FHIT: variants seen among roughly 807,000 people sequenced by gnomAD.
The protein encoded by FHIT is fragile histidine triad diadenosine triphosphatase, also known as bis(5'-adenosyl)-triphosphatase.
Under a neutral mutation model 17.9 loss-of-function variants are expected in FHIT, and 19 were observed. The observed-to-expected ratio is 1.06, with a 90% confidence interval of 0.74 to 1.56. The LOEUF (loss-of-function observed/expected upper bound fraction) is 1.56, where lower values mean the gene tolerates loss of function less well. FHIT is among the 40% of genes most tolerant of loss of function. The pLI is 0.00. For synonymous variants in FHIT, 81 were observed against 69.7 expected, an observed-to-expected ratio of 1.16 and a Z score of -0.81; for missense variants, 248 against 189.2, an observed-to-expected ratio of 1.31 and a Z score of -1.82.
intron 3 of FHIT, among the ~76,000 whole-genome samples, chr3:61,031,563 A>T (rs1415856243): frequency 6.6e-6 from 1 of 152,184 alleles, no homozygotes; most frequent in East Asian, 1.9e-4. Context: ...CTAACATCCC[A>T]GTTAAATGTC....
intron 3 of FHIT, among the ~76,000 whole-genome samples, chr3:60,824,382 T>G (rs748775775): frequency 1.3e-5 from 2 of 152,200 alleles, no homozygotes; most frequent in Non-Finnish European, 2.9e-5. Flanking sequence ...TTAACTGTAC[T>G]GATCATCTGA....
intron 2 of FHIT, among the ~76,000 whole-genome samples, chr3:61,177,076 C>G (rs1403716469): frequency 6.6e-6 from 1 of 151,694 alleles, no homozygotes; most frequent in Non-Finnish European, 1.5e-5. Context: ...ACTTGGGAGG[C>G]TGAGGCAGGA....
intron 3 of FHIT, among the ~76,000 whole-genome samples, chr3:60,952,707 C>T (rs987678262): frequency 3.3e-5 from 5 of 152,270 alleles, no homozygotes; most frequent in South Asian, 4.1e-4. Flanking sequence ...ATATAGAAGA[C>T]GTCCAGCTAT....
intron 8 of FHIT, among the ~76,000 whole-genome samples, chr3:59,900,500 T>A (rs1217443954): frequency 4.6e-5 from 7 of 152,174 alleles, no homozygotes. Context: ...CTAGATGCCA[T>A]CCCTGGTGCC....
chr3:60,529,870 C>T (rs1387265092), intron 5 of FHIT, among the ~76,000 whole-genome samples: 2 of 152,154 alleles, frequency 1.3e-5, no homozygotes, highest in Non-Finnish European at 2.9e-5. Flanking sequence ...AAGAACACCC[C>T]TAATATCCCT....
At chr3:60,763,659 A>C (rs1400284962) in intron 4 of FHIT, among the ~76,000 whole-genome samples, 1 of 152,202 alleles carries the variant, frequency 6.6e-6, no homozygotes, top group Non-Finnish European at 1.5e-5. Context: ...GTTCTTTAAT[A>C]ATGTATTGGC....
At chr3:61,028,718 TA>T (rs1374219088) in intron 3 of FHIT, among the ~76,000 whole-genome samples, 5 of 152,106 alleles carry the variant, frequency 3.3e-5, no homozygotes, top group African/African-American at 9.7e-5. Context: ...GTGAAACACT[TA>T]CCCCAGTGCC....
chr3:59,757,478 T>TGTG (rs1701279205), intron 8 of FHIT, among the ~76,000 whole-genome samples: 1 of 152,036 alleles, frequency 6.6e-6, no homozygotes, highest in Non-Finnish European at 1.5e-5. Flanking sequence ...ACAAGGTATA[T>TGTG]GGGGTAATGA....
intron 1 of FHIT, among the ~76,000 whole-genome samples, chr3:61,201,512 C>T (rs1398138550): frequency 6.6e-6 from 1 of 152,136 alleles, no homozygotes; most frequent in Non-Finnish European, 1.5e-5. Context: ...GGATAGACAG[C>T]TACACCACAG....
At chr3:61,204,475 C>CA (rs1406200505) in intron 1 of FHIT, among the ~76,000 whole-genome samples, 1 of 152,064 alleles carries the variant, frequency 6.6e-6, no homozygotes, top group Non-Finnish European at 1.5e-5. Context: ...GAGGAAACAA[C>CA]ATAGAGTAAA....
In FHIT at chr3:60,118,860, T is replaced by C. The variant is rs541863615; in HGVS notation, c.104-104708A>G. Among the ~76,000 whole-genome samples the C allele has an allele frequency of 1.4e-3, 171 of 120,372 alleles. 1 individual carries two copies. The highest frequency in any genetic ancestry group is 4.9e-3 in the African/African-American group (165 of 33,800). 79.0% of individuals were successfully genotyped at this position (120,372 alleles called of 152,430 possible). ...GGCAAAACTCCATCTCTACTGATAA[T>C]ACAAAAAAAAAATAGCTGGGCGTGG... On this transcript the variant is annotated intron_variant, in intron 5 of 9. Transcript: ENST00000492590.
chr3:61,035,553 G>A (rs2033199596), intron 3 of FHIT, among the ~76,000 whole-genome samples: 1 of 152,100 alleles, frequency 6.6e-6, no homozygotes, highest in African/African-American at 2.4e-5. Flanking sequence ...TGGTACCTTA[G>A]TATGTCAGTC....
intron 5 of FHIT, among the ~76,000 whole-genome samples, chr3:60,340,817 C>G (rs1267961295): frequency 6.6e-6 from 1 of 152,054 alleles, no homozygotes; most frequent in Non-Finnish European, 1.5e-5. Flanking sequence ...AAGTGATTCT[C>G]TTGCCTCAGC....
At chr3:60,625,717 T>C (rs1553680712) in intron 4 of FHIT, among the ~76,000 whole-genome samples, 1 of 152,234 alleles carries the variant, frequency 6.6e-6, no homozygotes, top group African/African-American at 2.4e-5. Context: ...ATGTTATCCA[T>C]GGAAACACAA....
chr3:59,753,814 C>A (rs1701051945), intron 8 of FHIT, among the ~76,000 whole-genome samples: 1 of 152,122 alleles, frequency 6.6e-6, no homozygotes, highest in African/African-American at 2.4e-5. Flanking sequence ...CCAAAGATCA[C>A]CCAGCTAGGT....
rs1056386268 is a variant in FHIT, at chr3:60,606,065, T to C, written c.-17-69086A>G. On this transcript the variant is annotated intron_variant, in intron 4 of 9. Transcript: ENST00000492590. ...TTAAGGATGCTAAATTCCTAATCTC[T>C]CAAGGATGACATTCTTCTTGCCCCA... 2.0e-5 allele frequency among the ~76,000 whole-genome samples: 3 copies of C among 152,096 alleles called. No individual in the cohort carries two copies. The East Asian group carries it at 5.8e-4, about 29-fold the overall frequency.
intron 4 of FHIT, among the ~76,000 whole-genome samples, chr3:60,671,358 T>TAC (rs142059868): frequency 1.9e-4 from 29 of 151,174 alleles, no homozygotes; most frequent in Middle Eastern, 3.4e-3. Flanking sequence ...AATACACACA[T>TAC]ACACACACAC....
At chr3:60,267,317 TAC>T (rs5849347) in intron 5 of FHIT, among the ~76,000 whole-genome samples, 2 of 151,540 alleles carry the variant, frequency 1.3e-5, no homozygotes, top group Non-Finnish European at 2.9e-5. Flanking sequence ...AGGTCACATA[TAC>T]ACACACACAC....
intron 4 of FHIT, among the ~76,000 whole-genome samples, chr3:60,720,275 T>G (rs1321889066): frequency 6.6e-6 from 1 of 152,184 alleles, no homozygotes; most frequent in Non-Finnish European, 1.5e-5. Flanking sequence ...AATCTTTAGA[T>G]GTCAGCTCAA....
Sources: allele counts gnomAD v4.1 joint callset (sites outside exome capture counted in the v4.1 genomes callset), GRCh38; gene constraint gnomAD v4.1.1; transcripts MANE v1.5; gene names NCBI Gene and HGNC (gene_info 2026-07-23, HGNC 2026-07-21).